The following RIT2 variants were observed in gnomAD, a reference collection of about 807,000 sequenced individuals.
The protein encoded by RIT2 is GTP-binding protein Rit2.
Under a neutral mutation model 23.7 loss-of-function variants are expected in RIT2, and 24 were observed. The observed-to-expected ratio is 1.01, with a 90% CI of 0.73 to 1.43. The LOEUF is 1.43. Ranked by LOEUF, RIT2 falls within the 40% of genes most tolerant of loss-of-function variation. The pLI is 0.00. For synonymous variants in RIT2, 107 were observed against 91.1 expected, an observed-to-expected ratio of 1.17 and a Z score of -0.99; for missense variants, 236 against 266.9, an observed-to-expected ratio of 0.88 and a Z score of 0.81.
intron 1 of RIT2, among the ~76,000 whole-genome samples, chr18:43,035,995 A>G (rs1015954581): frequency 7.2e-5 from 11 of 152,138 alleles, no homozygotes; most frequent in African/African-American, 2.7e-4. Context: ...ACCTTCCTCT[A>G]TCAGGTAGCA....
chr18:43,099,890 T>C (rs959480742), intron 1 of RIT2, among the ~76,000 whole-genome samples: 1 of 152,126 alleles, frequency 6.6e-6, no homozygotes, highest in African/African-American at 2.4e-5. Flanking sequence ...ACTTCTCATC[T>C]CTACTGCTGC....
In RIT2 at chr18:43,022,846, A is replaced by G. The variant is rs141190653; in HGVS notation, c.160+10965T>C. On this transcript the variant is annotated intron_variant, in intron 2 of 4. Transcript: ENST00000326695. The stretch of plus-strand genomic sequence containing the variant: ...AGGAGTGAGAATTCTCCTAGCCTGT[A>G]GAACTCAACAGCGATAAGATTATAC... Among the ~76,000 whole-genome samples the G allele has an allele frequency of 1.3e-3, 198 of 152,246 alleles. 2 individuals are homozygous for G. The East Asian group carries it at 0.032, about 24-fold the overall frequency.
chr18:42,879,489 A>G (rs1907831995), intron 4 of RIT2, among the ~76,000 whole-genome samples: 1 of 151,992 alleles, frequency 6.6e-6, no homozygotes, highest in South Asian at 2.1e-4. Flanking sequence ...AGCAGAAGCT[A>G]TTTTCATTTA....
At chr18:42,945,495 C>T (rs1215352512) in intron 3 of RIT2, among the ~76,000 whole-genome samples, 1 of 152,114 alleles carries the variant, frequency 6.6e-6, no homozygotes, top group African/African-American at 2.4e-5. Flanking sequence ...GCTGAACATG[C>T]GTCCAAGAAT....
At chr18:42,758,425 G>A (rs1010407170) in intron 4 of RIT2, among the ~76,000 whole-genome samples, 3 of 151,204 alleles carry the variant, frequency 2.0e-5, no homozygotes, top group Non-Finnish European at 4.4e-5. Flanking sequence ...AACTTGCCTA[G>A]TCCCTTACTT....
intron 3 of RIT2, among the ~76,000 whole-genome samples, chr18:42,947,596 T>G (rs1242943742): frequency 1.3e-5 from 2 of 152,104 alleles, no homozygotes; most frequent in Non-Finnish European, 2.9e-5. Context: ...ATAGGGACTT[T>G]AAATGTTACA....
chr18:42,758,512 T>A (rs1913220163), intron 4 of RIT2, among the ~76,000 whole-genome samples: 1 of 151,328 alleles, frequency 6.6e-6, no homozygotes, highest in Admixed American at 6.6e-5. Context: ...AACCCTTGTT[T>A]TATTTTTATT....
rs144651543 is a variant in RIT2, at chr18:42,892,614, T to C, written c.426+30958A>G. ...CAAAGCACAATGCTTGAAAATGTAGTTGAAGAAAATACCCCAGTCATTTGA... is the reference window on the plus strand; with the variant it reads ...CAAAGCACAATGCTTGAAAATGTAGCTGAAGAAAATACCCCAGTCATTTGA... On this transcript the variant is annotated intron_variant, in intron 4 of 4. Coordinates refer to ENST00000326695, the MANE Select transcript of RIT2 (RefSeq NM_002930.4). Among the ~76,000 whole-genome samples, 1,288 of 152,300 alleles carry C rather than the reference T, an allele frequency of 8.5e-3. 11 individuals are homozygous for C. Among genetic ancestry groups the C allele is most frequent in the Non-Finnish European group, 0.013 (909 of 68,030 alleles).
At chr18:43,094,550 A>G (rs942871595) in intron 1 of RIT2, among the ~76,000 whole-genome samples, 1 of 152,046 alleles carries the variant, frequency 6.6e-6, no homozygotes, top group Non-Finnish European at 1.5e-5. Flanking sequence ...GGGAAAATGT[A>G]TTCAGGGAAA....
At chr18:43,082,420 A>G (rs901007812) in intron 1 of RIT2, among the ~76,000 whole-genome samples, 16 of 152,012 alleles carry the variant, frequency 1.1e-4, no homozygotes, top group Admixed American at 8.5e-4. Flanking sequence ...GCAGAGATAC[A>G]ACAACAACAA....
At chr18:42,842,289 GTGTC>G (rs112787917) in intron 4 of RIT2, among the ~76,000 whole-genome samples, 3,121 of 152,186 alleles carry the variant, frequency 0.021, 90 homozygotes, top group African/African-American at 0.069. Flanking sequence ...TGTTATCAAA[GTGTC>G]TGGGAAATAA....
intron 1 of RIT2, among the ~76,000 whole-genome samples, chr18:43,105,729 G>A (rs1248927070): frequency 2.6e-5 from 4 of 152,104 alleles, no homozygotes; most frequent in South Asian, 2.1e-4. Context: ...ATCCATTTAC[G>A]TTATAAACTT....
intron 3 of RIT2, among the ~76,000 whole-genome samples, chr18:42,931,897 T>C (rs1909334505): frequency 1.3e-5 from 2 of 152,234 alleles, no homozygotes; most frequent in East Asian, 3.9e-4. Context: ...GATAGGATAC[T>C]ACTATAAATA....
chr18:42,885,883 CA>C (rs1385745268), intron 4 of RIT2, among the ~76,000 whole-genome samples: 1 of 152,132 alleles, frequency 6.6e-6, no homozygotes, highest in African/African-American at 2.4e-5. Context: ...ATAAACTTCG[CA>C]GATCTCCAAG....
intron 4 of RIT2, among the ~76,000 whole-genome samples, chr18:42,758,052 T>C (rs2143894574): frequency 6.6e-6 from 1 of 152,176 alleles, no homozygotes; most frequent in East Asian, 1.9e-4. Context: ...CCCACCTTTT[T>C]CCTATATTTT....
chr18:42,998,789 A>G (rs973088043), intron 2 of RIT2, among the ~76,000 whole-genome samples: 3 of 152,070 alleles, frequency 2.0e-5, no homozygotes, highest in Non-Finnish European at 4.4e-5. Flanking sequence ...TCAGTCTGCA[A>G]TGGTGTCTGC....
intron 1 of RIT2, among the ~76,000 whole-genome samples, chr18:43,049,091 A>G (rs1373241235): frequency 1.3e-5 from 2 of 152,142 alleles, no homozygotes; most frequent in African/African-American, 2.4e-5. Flanking sequence ...CTAGTATGGC[A>G]CTCCAACTCT....
At chr18:42,853,849 A>G (rs1343901543) in intron 4 of RIT2, among the ~76,000 whole-genome samples, 1 of 152,228 alleles carries the variant, frequency 6.6e-6, no homozygotes, top group African/African-American at 2.4e-5. Flanking sequence ...AATAGGTTGC[A>G]ATGCATGTTT....
intron 1 of RIT2, among the ~76,000 whole-genome samples, chr18:43,080,763 A>T (rs1433016989): frequency 6.6e-6 from 1 of 152,214 alleles, no homozygotes; most frequent in African/African-American, 2.4e-5. Context: ...CAAGGCAGCC[A>T]TTCAGTGACT....
Sources: allele counts gnomAD v4.1 joint callset (sites outside exome capture counted in the v4.1 genomes callset), GRCh38; gene constraint gnomAD v4.1.1; transcripts MANE v1.5; gene names NCBI Gene and HGNC (gene_info 2026-07-23, HGNC 2026-07-21).